The following GAREM1 variants were observed in gnomAD, a reference collection of about 807,000 sequenced individuals.
GAREM1 encodes GRB2-associated and regulator of MAPK protein 1.
In GAREM1, 26 loss-of-function variants were observed where a neutral mutation model predicts 71.3. That is an observed-to-expected ratio of 0.36 (90% CI 0.27 to 0.51). GAREM1 has a LOEUF of 0.51. Ranked by LOEUF, GAREM1 falls within the 20% of genes least tolerant of loss-of-function variation. The probability of loss-of-function intolerance (pLI) is 0.95; values close to 1 mark genes in which losing one functional copy is unlikely to be tolerated. For missense variants in GAREM1, 1,026 were observed against 1,103.1 expected (o/e 0.93, Z 0.99); for synonymous variants, 440 against 433.2 (o/e 1.02, Z -0.20).
intron 1 of GAREM1, among the ~76,000 whole-genome samples, chr18:32,394,587 G>C (rs2048232831): frequency 6.6e-6 from 1 of 152,124 alleles, no homozygotes; most frequent in Admixed American, 6.6e-5. Context: ...TTTCAAACCA[G>C]ACTATGCTGC....
intron 1 of GAREM1, among the ~76,000 whole-genome samples, chr18:32,428,738 C>T (rs2048597480): frequency 6.6e-6 from 1 of 152,232 alleles, no homozygotes; most frequent in Admixed American, 6.5e-5. Context: ...GTCACTCTTA[C>T]CCCCAGAGGA....
In GAREM1 at chr18:32,438,352, C is replaced by A. The variant is rs74883452; in HGVS notation, c.121+31956G>T. ...TTTCACAGGTCGTGCTAAGCCCTCACACTTTCCTCACCTTGGCCATCTGCC... is the reference window on the plus strand; with the variant it reads ...TTTCACAGGTCGTGCTAAGCCCTCAAACTTTCCTCACCTTGGCCATCTGCC... On this transcript the variant is annotated intron_variant, in intron 1 of 5. Coordinates refer to ENST00000269209, the MANE Select transcript of GAREM1 (RefSeq NM_001242409.2). 3.3e-4 allele frequency among the ~76,000 whole-genome samples: 50 copies of A among 152,354 alleles called. No individual in the cohort carries two copies. The East Asian group carries it at 9.1e-3, about 28-fold the overall frequency.
intron 1 of GAREM1, among the ~76,000 whole-genome samples, chr18:32,411,873 A>T (rs1237055858): frequency 2.0e-5 from 3 of 151,944 alleles, no homozygotes; most frequent in Non-Finnish European, 4.4e-5. Flanking sequence ...TACACAGCAC[A>T]TTAAAAAAAA....
intron 1 of GAREM1, among the ~76,000 whole-genome samples, chr18:32,420,839 G>C (rs927615702): frequency 1.3e-5 from 2 of 151,884 alleles, no homozygotes; most frequent in African/African-American, 4.8e-5. Flanking sequence ...AAACATGAAC[G>C]TTCTCTGCCG....
intron 1 of GAREM1, among the ~76,000 whole-genome samples, chr18:32,403,968 G>A (rs1430654455): frequency 6.6e-6 from 1 of 152,164 alleles, no homozygotes; most frequent in Non-Finnish European, 1.5e-5. Context: ...CACCAACTTT[G>A]AGAAACATGG....
intron 3 of GAREM1, among the ~76,000 whole-genome samples, chr18:32,304,131 AC>A (rs1260749953): frequency 1.3e-5 from 2 of 151,170 alleles, no homozygotes; most frequent in African/African-American, 4.9e-5. Flanking sequence ...ACATGGCGAA[AC>A]CCCATCTCTA....
Position 32,364,028 on chromosome 18 carries a change from G to GTTTTTTTTTTTTTTT in GAREM1, c.262+28852_262+28866dup, listed in dbSNP as rs1157200391. 3.6e-3 allele frequency among the ~76,000 whole-genome samples: 78 copies of GTTTTTTTTTTTTTTT among 21,662 alleles called. 10 individuals carry two copies. Among genetic ancestry groups the GTTTTTTTTTTTTTTT allele is most frequent in the African/African-American group, 6.2e-3 (35 of 5,610 alleles). The allele number at this position is 21,662 out of a possible 152,430, so 14.2% of individuals were successfully genotyped here. A position where few individuals can be genotyped will look rare whatever the true frequency, so the allele number is the denominator to read the frequency against. On this transcript the variant is annotated intron_variant, in intron 2 of 5. Transcript: ENST00000269209. ...TATATATATATATATATATATATAT[G>GTTTTTTTTTTTTTTT]TTTTTTTTTTTTTTTTTTTTTTGTG...
At chr18:32,356,482 A>G (rs2047806641) in intron 2 of GAREM1, among the ~76,000 whole-genome samples, 1 of 152,180 alleles carries the variant, frequency 6.6e-6, no homozygotes, top group Admixed American at 6.5e-5. Flanking sequence ...TAATGACCCA[A>G]TAGGTTAATT....
chr18:32,392,964 T>C lies in GAREM1; in HGVS notation c.193A>G (p.Thr65Ala), dbSNP rs748329346. The change falls in exon 2 of 6, where the codon ACT becomes GCT. Residue 65 changes from threonine (T) to alanine (A), a missense_variant. Transcript: ENST00000269209. Reference protein sequence around the residue: ...IHSCRQWTTITAHSLEEGHYV... With the variant: ...IHSCRQWTTIAAHSLEEGHYV... ...TGACCCTCCTCCAAGCTGTGGGCAGTGATGGTGGTCCACTGGCGGCAGGAA... is the reference window on the plus strand; with the variant it reads ...TGACCCTCCTCCAAGCTGTGGGCAGCGATGGTGGTCCACTGGCGGCAGGAA... 3 of 1,613,920 alleles carry C rather than the reference T, an allele frequency of 1.9e-6. No homozygotes were observed. In the South Asian group the frequency reaches 3.3e-5, roughly 18 times the overall value.
chr18:32,415,683 T>C (rs1375253917), intron 1 of GAREM1, among the ~76,000 whole-genome samples: 1 of 151,924 alleles, frequency 6.6e-6, no homozygotes, highest in Admixed American at 6.6e-5. Flanking sequence ...ACCTTTATGA[T>C]AAAAAAACCT....
intron 4 of GAREM1, 112 bp from the exon 5 acceptor site, chr18:32,270,495 G>T: frequency 2.4e-6 from 2 of 846,032 alleles, no homozygotes; most frequent in Non-Finnish European, 3.6e-6. Flanking sequence ...ACAGCAGGGT[G>T]TAAGCATGGC....
intron 1 of GAREM1, among the ~76,000 whole-genome samples, chr18:32,425,838 C>T (rs2048569377): frequency 6.6e-6 from 1 of 152,140 alleles, no homozygotes; most frequent in African/African-American, 2.4e-5. Flanking sequence ...GTTGTTCAGC[C>T]TTCTTTTCTT....
intron 2 of GAREM1, among the ~76,000 whole-genome samples, chr18:32,374,788 C>T (rs1165612288): frequency 6.6e-6 from 1 of 152,064 alleles, no homozygotes; most frequent in Non-Finnish European, 1.5e-5. Context: ...CCTGGCATAC[C>T]ACAAAGGTAC....
At chr18:32,272,174 A>G (rs2041472155) in intron 4 of GAREM1, among the ~76,000 whole-genome samples, 1 of 152,122 alleles carries the variant, frequency 6.6e-6, no homozygotes, top group Non-Finnish European at 1.5e-5. Context: ...ATCTCCTACT[A>G]TCTACACCAC....
At chr18:32,277,487 A>G (rs1477836899) in intron 4 of GAREM1, among the ~76,000 whole-genome samples, 1 of 152,206 alleles carries the variant, frequency 6.6e-6, no homozygotes, top group Non-Finnish European at 1.5e-5. Flanking sequence ...CTTAACAGTG[A>G]AAGCAAAGAT....
intron 1 of GAREM1, among the ~76,000 whole-genome samples, chr18:32,421,539 C>T (rs910403327): frequency 3.9e-5 from 6 of 152,126 alleles, no homozygotes; most frequent in African/African-American, 1.2e-4. Context: ...AAAGTCCAAA[C>T]GCCGTGGGGT....
chr18:32,327,551 C>T (rs2047485727), intron 2 of GAREM1, among the ~76,000 whole-genome samples: 1 of 151,960 alleles, frequency 6.6e-6, no homozygotes, highest in Non-Finnish European at 1.5e-5. Context: ...CTAAAACCAG[C>T]AAATATGCAT....
chr18:32,310,392 A>T, intron 2 of GAREM1, 69 bp from the exon 3 acceptor site: 1 of 1,527,650 alleles, frequency 6.5e-7, no homozygotes, highest in Non-Finnish European at 8.9e-7. Flanking sequence ...TGGCAACAAC[A>T]TCCTCTCTCT....
At chr18:32,395,208 T>C (rs575529424) in intron 1 of GAREM1, among the ~76,000 whole-genome samples, 10 of 152,314 alleles carry the variant, frequency 6.6e-5, no homozygotes, top group South Asian at 2.1e-4. Context: ...ACAATGTCTC[T>C]TACCTTGAAA....
Sources: gnomAD v4.1 joint callset for allele counts (sites outside exome capture counted in the v4.1 genomes callset) on GRCh38, gnomAD v4.1.1 for gene constraint, MANE v1.5 for transcripts, NCBI Gene and HGNC (gene_info 2026-07-23, HGNC 2026-07-21) for gene names.